Variants in IFIH1 observed in about 807,000 individuals in gnomAD.
IFIH1 encodes the protein interferon induced with helicase C domain 1, also known as interferon-induced helicase C domain-containing protein 1.
Under a neutral mutation model 107.4 loss-of-function variants are expected in IFIH1, and 125 were observed. The ratio of observed to expected loss-of-function variants is 1.16; its 90% CI spans 1.01 to 1.35. The LOEUF (loss-of-function observed/expected upper bound fraction) is 1.35, where lower values mean the gene tolerates loss of function less well. Ranked by LOEUF, IFIH1 falls within the 40% of genes most tolerant of loss-of-function variation. The probability of loss-of-function intolerance (pLI) is 0.00; values close to 1 mark genes in which losing one functional copy is unlikely to be tolerated. For missense variants in IFIH1, 1,333 were observed against 1,213.7 expected (o/e 1.10, Z -1.46); for synonymous variants, 458 against 413.2 (o/e 1.11, Z -1.31).
chr2:162,288,559 T>G (rs1682936637), intron 4 of IFIH1, among the ~76,000 whole-genome samples: 1 of 151,554 alleles, frequency 6.6e-6, no homozygotes, highest in African/African-American at 2.4e-5. Context: ...ACAGAAGGAG[T>G]CTGGGGGTGT....
intron 14 of IFIH1, among the ~76,000 whole-genome samples, chr2:162,267,803 T>G (rs530457619): frequency 1.3e-5 from 2 of 152,368 alleles, no homozygotes; most frequent in South Asian, 4.1e-4. Flanking sequence ...CTGTTGGTTA[T>G]ATTAACTTGA....
intron 5 of IFIH1, among the ~76,000 whole-genome samples, chr2:162,287,364 A>G (rs1294701355): frequency 6.6e-6 from 1 of 151,928 alleles, no homozygotes; most frequent in African/African-American, 2.4e-5. Context: ...TATTCCATAA[A>G]ATAGTAAATA....
At chr2:162,291,841 C>G (rs1190710742) in intron 4 of IFIH1, among the ~76,000 whole-genome samples, 1 of 151,846 alleles carries the variant, frequency 6.6e-6, no homozygotes, top group Non-Finnish European at 1.5e-5. Flanking sequence ...CATAATTTTA[C>G]CATTTCGGAA....
At chr2:162,280,975 T>A (rs1248357580) in intron 7 of IFIH1, among the ~76,000 whole-genome samples, 1 of 152,186 alleles carries the variant, frequency 6.6e-6, no homozygotes, top group African/African-American at 2.4e-5. Flanking sequence ...AGTAAGACTT[T>A]ATTATGTGTG....
chr2:162,317,745 A>G (rs1683528752), intron 1 of IFIH1, 110 bp downstream of exon 1: 1 of 831,698 alleles, frequency 1.2e-6, no homozygotes, highest in Admixed American at 2.4e-5. Flanking sequence ...AAAGGAAGAA[A>G]CTAGATTTGC....
At chr2:162,273,040 T>G (rs1004618552) in intron 12 of IFIH1, among the ~76,000 whole-genome samples, 3 of 152,212 alleles carry the variant, frequency 2.0e-5, no homozygotes, top group Non-Finnish European at 4.4e-5. Context: ...AATAGACTCC[T>G]GAAATAAAAT....
intron 13 of IFIH1, 44 bp from the exon 14 acceptor site, chr2:162,268,321 T>C (rs1267876726): frequency 9.7e-6 from 13 of 1,334,170 alleles, no homozygotes; most frequent in Non-Finnish European, 1.4e-5. Context: ...GTTTGTTTTC[T>C]TTTTTCAGTT....
intron 3 of IFIH1, among the ~76,000 whole-genome samples, chr2:162,302,454 T>TA: frequency 6.6e-6 from 1 of 152,328 alleles, no homozygotes; most frequent in Admixed American, 6.5e-5. Context: ...TATTTGAAAC[T>TA]TTAACCTAAT....
intron 13 of IFIH1, among the ~76,000 whole-genome samples, chr2:162,271,790 C>T (rs1047554995): frequency 2.6e-5 from 4 of 152,120 alleles, no homozygotes; most frequent in African/African-American, 7.2e-5. Context: ...ATATAAACTT[C>T]GTGCAGCAGG....
Position 162,287,178 on chromosome 2 carries a change from A to T in IFIH1, c.1095+957T>A, listed in dbSNP as rs111665908. The stretch of plus-strand genomic sequence containing the variant: ...GCACACAAAATGCATTTGGAACTAC[A>T]TGATAGGAATCATTCAAATCATGGA... On this transcript the variant is annotated intron_variant, in intron 5 of 15. Coordinates refer to ENST00000649979, the MANE Select transcript of IFIH1 (RefSeq NM_022168.4). Among the ~76,000 whole-genome samples the T allele has an allele frequency of 3.6e-3, 544 of 152,062 alleles. 3 individuals carry two copies. Among genetic ancestry groups the T allele is most frequent in the Admixed American group, 0.016 (241 of 15,246 alleles).
At chr2:162,310,634 A>G in intron 2 of IFIH1, 131 bp downstream of exon 2, 1 of 678,610 alleles carries the variant, frequency 1.5e-6, no homozygotes, top group Non-Finnish European at 2.5e-6. Flanking sequence ...TAGATGATCT[A>G]TCACATATGT....
rs1683547670 is a variant in IFIH1 at position 162,318,178 on chromosome 2, C to G, written c.130G>C (p.Glu44Gln). Residue 44 changes from glutamate (E) to glutamine (Q), a missense_variant, in exon 1 of 16, where the codon GAG becomes CAG. Physicochemically the swap from Glu to Gln is conservative, Grantham distance 29 (BLOSUM62 2). Transcript: ENST00000649979. ...GTGGCGACTGTCCTCTGAATCTGCT[C>G]CTTCACCTCTGCAGGCAGAAAGGTC... ...YLTFLPAEVK[E>Q]QIQRTVATSG... 6.2e-7 allele frequency: 1 copy of G among 1,614,216 alleles called. No individual in the cohort carries two copies. Among genetic ancestry groups the G allele is most frequent in the East Asian group, 2.2e-5 (1 of 44,888 alleles).
At chr2:162,268,426 C>G in intron 13 of IFIH1, 149 bp from the exon 14 acceptor site, 1 of 556,634 alleles carries the variant, frequency 1.8e-6, no homozygotes, top group Non-Finnish European at 3.1e-6. Flanking sequence ...AGGTAATGAC[C>G]CCCCAAAGAA....
Position 162,310,953 on chromosome 2 carries a change from G to T in IFIH1, c.454-20C>A. The T allele has an allele frequency of 6.3e-7, 1 of 1,598,338 alleles. No individual in the cohort carries two copies. Among genetic ancestry groups the T allele is most frequent in the Non-Finnish European group, 8.6e-7 (1 of 1,169,050 alleles). ...AGCAATCTGTTGTAAGAGAAAATTA[G>T]AATTAAGTAAGATCAAACATCTTCT... On this transcript the variant is annotated intron_variant, in intron 1 of 15. Transcript: ENST00000649979.
In IFIH1 at chr2:162,318,013, G is replaced by C. The variant is rs1226055455; in HGVS notation, c.295C>G (p.Leu99Val). ...AACGATGGAGAGGGCAAGTCCGTGAGCTCAGGGTTCATGTAGCGGGCGGCC... is the reference window on the plus strand; with the variant it reads ...AACGATGGAGAGGGCAAGTCCGTGACCTCAGGGTTCATGTAGCGGGCGGCC... The part of the protein sequence containing the change: ...PLAARYMNPE[L>V]TDLPSPSFEN... The change falls in exon 1 of 16, where the codon CTC becomes GTC. Residue 99 changes from leucine to valine, a missense_variant. Leu to Val is a conservative substitution (Grantham distance 32). Transcript: ENST00000649979. The C allele has an allele frequency of 1.2e-6, 2 of 1,614,094 alleles. No individual in the cohort carries two copies. The highest frequency in any genetic ancestry group is 2.7e-5 in the African/African-American group (2 of 74,942).
At chr2:162,300,328 A>AAAAAACAG in intron 3 of IFIH1, among the ~76,000 whole-genome samples, 1 of 152,324 alleles carries the variant, frequency 6.6e-6, no homozygotes, top group Admixed American at 6.5e-5. Flanking sequence ...AACTCTGCTA[A>AAAAAACAG]AAAAACAGCT....
intron 3 of IFIH1, among the ~76,000 whole-genome samples, chr2:162,301,164 G>C (rs1052878387): frequency 6.6e-6 from 1 of 152,106 alleles, no homozygotes; most frequent in African/African-American, 2.4e-5. Flanking sequence ...GAGAAAGAAG[G>C]TATTAAAGTC....
Position 162,272,357 on chromosome 2 carries a change from T to G in IFIH1, c.2485A>C (p.Thr829Pro), listed in dbSNP as rs201027557. 6.2e-7 allele frequency: 1 copy of G among 1,613,382 alleles called. No individual in the cohort carries two copies. The highest frequency in any genetic ancestry group is 8.5e-7 in the Non-Finnish European group (1 of 1,179,542). Residue 829 changes from threonine to proline, a missense_variant, in exon 13 of 16, where the codon ACC becomes CCC. Coordinates refer to ENST00000649979, the MANE Select transcript of IFIH1 (RefSeq NM_022168.4). ...ARGRARADES[T>P]YVLVAHSGSG... ...CCACTGTGAGCAACCAGGACGTAGG[T>G]GCTCTCATCAGCTCTGGCTCGACCA...
At chr2:162,278,127 G>C in intron 9 of IFIH1, 78 bp downstream of exon 9, 3 of 1,252,410 alleles carry the variant, frequency 2.4e-6, no homozygotes, top group Non-Finnish European at 3.4e-6. Flanking sequence ...CCATTTTTTG[G>C]GGAATCTGTG....
Sources: gnomAD v4.1 joint callset for allele counts (sites outside exome capture counted in the v4.1 genomes callset) on GRCh38, gnomAD v4.1.1 for gene constraint, MANE v1.5 for transcripts, NCBI Gene and HGNC (gene_info 2026-07-23, HGNC 2026-07-21) for gene names.